Variants in TBC1D32 observed in about 807,000 individuals in gnomAD.
TBC1D32 encodes protein broad-minded.
TBC1D32 carries 151 observed loss-of-function variants against 170.3 expected under a neutral mutation model. That is an observed-to-expected ratio of 0.89 (90% CI 0.78 to 1.01). The LOEUF (loss-of-function observed/expected upper bound fraction) is 1.01. Ranked by LOEUF, TBC1D32 falls within the 50% of genes least tolerant of loss-of-function variation. TBC1D32 has a pLI of 0.00. For missense variants in TBC1D32, 1,464 were observed against 1,457.1 expected (o/e 1.00, Z -0.08); for synonymous variants, 498 against 488.0 (o/e 1.02, Z -0.27).
intron 22 of TBC1D32, among the ~76,000 whole-genome samples, chr6:121,183,959 G>C (rs1788859883): frequency 6.6e-6 from 1 of 152,046 alleles, no homozygotes; most frequent in Non-Finnish European, 1.5e-5. Context: ...GAAGCTGGAA[G>C]TATTGCTCAA....
At chr6:121,288,518 G>A (rs1472723206) in intron 12 of TBC1D32, among the ~76,000 whole-genome samples, 2 of 151,806 alleles carry the variant, frequency 1.3e-5, no homozygotes, top group African/African-American at 4.8e-5. Flanking sequence ...TTAATACCTT[G>A]CCAACCAAAA....
At chr6:121,329,886 A>T (rs1011165807) in intron 1 of TBC1D32, among the ~76,000 whole-genome samples, 1 of 152,034 alleles carries the variant, frequency 6.6e-6, no homozygotes, top group African/African-American at 2.4e-5. Flanking sequence ...TAGAAAGAAC[A>T]AGTATTTTAC....
intron 13 of TBC1D32, among the ~76,000 whole-genome samples, chr6:121,282,759 T>C (rs1803203759): frequency 6.6e-6 from 1 of 151,810 alleles, no homozygotes; most frequent in Non-Finnish European, 1.5e-5. Flanking sequence ...GTCCACATCA[T>C]GGTAAACCAA....
At chr6:121,086,193 T>C (rs1331622873) in intron 31 of TBC1D32, among the ~76,000 whole-genome samples, 1 of 152,124 alleles carries the variant, frequency 6.6e-6, no homozygotes. Context: ...AAAAGTATTT[T>C]ACAAATATCA....
At chr6:121,268,246 G>GA (rs1356455839) in intron 15 of TBC1D32, among the ~76,000 whole-genome samples, 1 of 152,182 alleles carries the variant, frequency 6.6e-6, no homozygotes, top group Admixed American at 6.5e-5. Flanking sequence ...GAACAAAGCT[G>GA]AATGGAGAAT....
chr6:121,312,307 C>T (rs1319179603), intron 3 of TBC1D32, among the ~76,000 whole-genome samples: 1 of 152,122 alleles, frequency 6.6e-6, no homozygotes, highest in African/African-American at 2.4e-5. Context: ...ACATATATAC[C>T]TATGTAACTA....
chr6:121,192,182 G>T (rs1032220252), intron 22 of TBC1D32, among the ~76,000 whole-genome samples: 2 of 151,444 alleles, frequency 1.3e-5, no homozygotes, highest in Admixed American at 6.6e-5. Context: ...TCTTTCATTG[G>T]TTTTGGGGTT....
At chr6:121,147,723 C>A (rs911014837) in intron 24 of TBC1D32, among the ~76,000 whole-genome samples, 1 of 152,004 alleles carries the variant, frequency 6.6e-6, no homozygotes, top group Non-Finnish European at 1.5e-5. Context: ...TCCTGAGTAG[C>A]TGGGACTACA....
intron 20 of TBC1D32, among the ~76,000 whole-genome samples, chr6:121,225,356 A>C (rs1794944229): frequency 6.6e-6 from 1 of 152,052 alleles, no homozygotes. Context: ...CCTTAATATT[A>C]ATCCAGCAAT....
intron 27 of TBC1D32, among the ~76,000 whole-genome samples, chr6:121,113,718 T>C (rs928449306): frequency 3.3e-5 from 5 of 152,188 alleles, no homozygotes; most frequent in Admixed American, 6.5e-5. Flanking sequence ...AAAAGTTGTT[T>C]ATAATTGTCT....
intron 26 of TBC1D32, among the ~76,000 whole-genome samples, chr6:121,119,815 G>A (rs929553236): frequency 1.3e-5 from 2 of 151,926 alleles, no homozygotes; most frequent in African/African-American, 4.8e-5. Flanking sequence ...AAATCCTGAG[G>A]GAGCTAACAA....
At chr6:121,216,241 G>A (rs1045908446) in intron 21 of TBC1D32, among the ~76,000 whole-genome samples, 4 of 152,296 alleles carry the variant, frequency 2.6e-5, no homozygotes, top group South Asian at 4.1e-4. Context: ...TCTTTCTCCC[G>A]TGATGAATGC....
chr6:121,095,335 C>A (rs1777271804), intron 30 of TBC1D32, among the ~76,000 whole-genome samples: 1 of 152,128 alleles, frequency 6.6e-6, no homozygotes, highest in African/African-American at 2.4e-5. Flanking sequence ...GTAAATTATT[C>A]CTCCTTGTAA....
intron 30 of TBC1D32, among the ~76,000 whole-genome samples, chr6:121,100,119 G>A (rs1777854612): frequency 6.6e-6 from 1 of 151,952 alleles, no homozygotes; most frequent in Non-Finnish European, 1.5e-5. Flanking sequence ...TAATTGCACT[G>A]TGGTCTGAGA....
intron 29 of TBC1D32, among the ~76,000 whole-genome samples, chr6:121,109,584 C>T (rs1194973748): frequency 2.0e-5 from 3 of 151,938 alleles, no homozygotes; most frequent in Admixed American, 1.3e-4. Context: ...TAACAACTGG[C>T]CAAACTCTGA....
chr6:121,233,140 C>A (rs1227491815), intron 20 of TBC1D32, among the ~76,000 whole-genome samples: 1 of 151,976 alleles, frequency 6.6e-6, no homozygotes, highest in Non-Finnish European at 1.5e-5. Flanking sequence ...TATGGTCTAT[C>A]TTGGAGGATG....
intron 21 of TBC1D32, among the ~76,000 whole-genome samples, chr6:121,205,478 G>A (rs1480804597): frequency 6.6e-6 from 1 of 152,088 alleles, no homozygotes. Flanking sequence ...TGGCACTAGT[G>A]AGCACCTTAT....
chr6:121,128,430 T>G (rs1036505944), intron 25 of TBC1D32, among the ~76,000 whole-genome samples: 3 of 152,172 alleles, frequency 2.0e-5, no homozygotes, highest in African/African-American at 7.2e-5. Context: ...AGCCTCACTG[T>G]CAACCCACTG....
At chr6:121,281,516 C>T (rs944776752) in intron 14 of TBC1D32, 28 bp downstream of exon 14, 2 of 1,585,964 alleles carry the variant, frequency 1.3e-6, no homozygotes, top group Admixed American at 1.8e-5. Context: ...GTAAGAGACT[C>T]TTTTTCTCCT....
Sources: allele counts gnomAD v4.1 joint callset (sites outside exome capture counted in the v4.1 genomes callset), GRCh38; gene constraint gnomAD v4.1.1; transcripts MANE v1.5; gene names NCBI Gene and HGNC (gene_info 2026-07-23, HGNC 2026-07-21).